The following HELT variants were observed in gnomAD, a reference collection of about 807,000 sequenced individuals.
HELT encodes the protein helt bHLH transcription factor.
A neutral mutation model predicts 19.5 loss-of-function variants in HELT; 9 were observed. That is an observed-to-expected ratio of 0.46 (90% CI 0.28 to 0.80). The LOEUF is 0.80. HELT is among the 30% of genes least tolerant of loss of function. The pLI, the probability that HELT is intolerant of heterozygous loss-of-function variation, is 0.12. For missense variants in HELT, 366 were observed against 326.3 expected (o/e 1.12, Z -0.94); for synonymous variants, 162 against 148.3 (o/e 1.09, Z -0.67).
intron 1 of HELT, chr4:185,019,173 G>T: frequency 4.1e-6 from 6 of 1,476,658 alleles, no homozygotes; most frequent in Non-Finnish European, 5.5e-6. Context: ...CTCCCCAAAG[G>T]CCTGGGTAGG....
Position 185,020,800 on chromosome 4 carries a change from C to A in HELT, c.*28C>A. The A allele has an allele frequency of 2.0e-6, 3 of 1,498,046 alleles. No homozygotes were observed. The highest frequency in any genetic ancestry group is 1.4e-5 in the African/African-American group (1 of 70,064). The allele number at this position is 1,498,046 out of a possible 1,614,324, so 92.8% of individuals were successfully genotyped here. Reference sequence around the variant, plus strand: ...CCCACTCGCCCGCCAGATTTCTCCTCGCTTTGGGCGCTTTTAGGAGAAATG... The same window carrying A: ...CCCACTCGCCCGCCAGATTTCTCCTAGCTTTGGGCGCTTTTAGGAGAAATG... On this transcript the variant is annotated 3_prime_UTR_variant, in exon 4 of 4. Coordinates refer to ENST00000515777, the MANE Select transcript of HELT (RefSeq NM_001300781.2).
chr4:185,020,344 TACCTCACCACGGTGG>T lies in HELT; in HGVS notation c.303_317del (p.Tyr101_Glu106delinsTer). The T allele has an allele frequency of 6.2e-7, 1 of 1,614,200 alleles. No individual in the cohort carries two copies. Among genetic ancestry groups the T allele is most frequent in the Non-Finnish European group, 8.5e-7 (1 of 1,180,034 alleles). On this transcript the variant is annotated stop_gained and inframe_deletion, in exon 4 of 4. Coordinates refer to ENST00000515777, the MANE Select transcript of HELT (RefSeq NM_001300781.2). LOFTEE classifies it high-confidence loss of function. ...CGAGTGCATGAAGAACCTGGTGCAT[TACCTCACCACGGTGG>T]AGCGGATGGAGACCAAGGACACGAA...
At chr4:185,019,198 A>AGC in intron 1 of HELT, 189 bp from the exon 2 acceptor site, 2 of 1,363,444 alleles carry the variant, frequency 1.5e-6, no homozygotes, top group South Asian at 2.9e-5. Context: ...CTGGAAGGGG[A>AGC]GCGCGCCAGC....
At chr4:185,019,077 A>G in intron 1 of HELT, 122 bp downstream of exon 1, 1 of 1,611,348 alleles carries the variant, frequency 6.2e-7, no homozygotes, top group Non-Finnish European at 8.5e-7. Flanking sequence ...AGTGTGGAGG[A>G]ATCTCGAGTG....
chr4:185,020,915 C>A lies in HELT; in HGVS notation c.*143C>A. ...AGAGCGAATGAGTCTTCTGAAGGAT[C>A]TCCCCCTGGTAATAAACGTTTTCTG... On this transcript the variant is annotated 3_prime_UTR_variant, in exon 4 of 4. Transcript: ENST00000515777. The A allele has an allele frequency of 1.0e-6, 1 of 992,228 alleles. No homozygotes were observed. Among genetic ancestry groups the A allele is most frequent in the Non-Finnish European group, 1.4e-6 (1 of 728,334 alleles). 61.5% of individuals were successfully genotyped at this position (992,228 alleles called of 1,614,324 possible).
Position 185,019,816 on chromosome 4 carries a change from G to T in HELT, c.202G>T (p.Ala68Ser), listed in dbSNP as rs538685547. 6.2e-7 allele frequency: 1 copy of T among 1,613,588 alleles called. No individual in the cohort carries two copies. The highest frequency in any genetic ancestry group is 2.2e-5 in the East Asian group (1 of 44,892). Residue 68 changes from alanine to serine, a missense_variant, in exon 3 of 4, where the codon GCT becomes TCT. By Grantham distance (99) the Ala-to-Ser change is moderately conservative. Coordinates refer to ENST00000515777, the MANE Select transcript of HELT (RefSeq NM_001300781.2). ...TVQYLRALHSADFPRGREKAE... is the reference protein window; with the variant it reads ...TVQYLRALHSSDFPRGREKAE... ...TCAGTACCTGAGAGCACTGCACTCCGCTGATTTTCCCCGGGGAAGGGAAAA... is the reference window on the plus strand; with the variant it reads ...TCAGTACCTGAGAGCACTGCACTCCTCTGATTTTCCCCGGGGAAGGGAAAA...
At chr4:185,020,242 G>A (rs1734030744) in intron 3 of HELT, 31 bp from the exon 4 acceptor site, 1 of 1,599,394 alleles carries the variant, frequency 6.3e-7, no homozygotes, top group South Asian at 1.1e-5. Context: ...CTCAGGGTGT[G>A]TCCGTCCTAC....
intron 2 of HELT, 86 bp downstream of exon 2, chr4:185,019,577 G>T (rs866821664): frequency 6.4e-7 from 1 of 1,554,964 alleles, no homozygotes; most frequent in South Asian, 1.2e-5. Context: ...CGCGGACACA[G>T]AGGACCTCAC....
chr4:185,019,244 C>T lies in HELT; in HGVS notation c.28-143C>T, dbSNP rs1206315681. 4.4e-6 allele frequency: 5 copies of T among 1,137,552 alleles called. No individual in the cohort carries two copies. The African/African-American group carries it at 6.3e-5, about 14-fold the overall frequency. The allele number at this position is 1,137,552 out of a possible 1,614,324, so 70.5% of individuals were successfully genotyped here. ...GAAGGCAGAGCTCACCTGGCCCGAG[C>T]GTGGCGGGCCAGGAGTCCCTTCCTA... On this transcript the variant is annotated intron_variant, in intron 1 of 3. Transcript: ENST00000515777.
chr4:185,018,721 T>C lies in HELT; in HGVS notation c.-208T>C. 1 of 430,660 alleles carries C rather than the reference T, an allele frequency of 2.3e-6. No individual in the cohort carries two copies. Among genetic ancestry groups the C allele is most frequent in the South Asian group, 8.2e-5 (1 of 12,224 alleles). 26.7% of individuals were successfully genotyped at this position (430,660 alleles called of 1,614,324 possible). A position where few individuals can be genotyped will look rare whatever the true frequency, so the allele number is the denominator to read the frequency against. On this transcript the variant is annotated 5_prime_UTR_variant, in exon 1 of 4. The change abolishes an upstream ATG in the 5' untranslated region. Transcript: ENST00000515777. ...TAACTTCTTTAAAACTGATCTTGAA[T>C]GCATACATCCTCCAAACGCAGCTCC...
intron 3 of HELT, 135 bp downstream of exon 3, chr4:185,019,978 T>C: frequency 1.2e-6 from 1 of 845,710 alleles, no homozygotes; most frequent in Non-Finnish European, 1.8e-6. Context: ...GCAGGGGTCC[T>C]GCGAAGGCGC....
In HELT at chr4:185,019,827, C is replaced by T. The variant is rs199875932; in HGVS notation, c.213C>T (p.Pro71=). The T allele has an allele frequency of 2.5e-6, 4 of 1,613,512 alleles. No individual in the cohort carries two copies. In the African/African-American group the frequency reaches 5.3e-5, roughly 21 times the overall value. ...YLRALHSADF[P]RGREKAELLA... is the part of the protein sequence containing the mutation. ...GAGCACTGCACTCCGCTGATTTTCCCCGGGGAAGGGAAAAAGGTGGGCACA... is the reference window on the plus strand; with the variant it reads ...GAGCACTGCACTCCGCTGATTTTCCTCGGGGAAGGGAAAAAGGTGGGCACA... The change falls in exon 3 of 4, where the codon CCC becomes CCT. Residue 71 remains proline (P), a synonymous_variant. Coordinates refer to ENST00000515777, the MANE Select transcript of HELT (RefSeq NM_001300781.2).
In HELT at chr4:185,019,442, G is replaced by A. The variant is rs1315040401; in HGVS notation, c.83G>A (p.Arg28His). The A allele has an allele frequency of 1.2e-6, 2 of 1,613,166 alleles. No individual in the cohort carries two copies. The highest frequency in any genetic ancestry group is 1.1e-5 in the South Asian group (1 of 90,896). The change falls in exon 2 of 4, where the codon CGC (arginine) becomes CAC (histidine). Residue 28 changes from arginine to histidine, a missense_variant. By Grantham distance (29) the Arg-to-His change is conservative. Coordinates refer to ENST00000515777, the MANE Select transcript of HELT (RefSeq NM_001300781.2). ...AAGCGGAGGAGGGACAGGATCAACC[G>A]CTGCTTGAACGAGCTGGGCAAGACA... ...IEKRRRDRINRCLNELGKTVP... is the reference protein window; with the variant it reads ...IEKRRRDRINHCLNELGKTVP...
chr4:185,020,160 A>G, intron 3 of HELT, 113 bp from the exon 4 acceptor site: 5 of 1,469,280 alleles, frequency 3.4e-6, no homozygotes, highest in Non-Finnish European at 4.6e-6. Context: ...CGGGCCTCAA[A>G]TGGGAACTTT....
In HELT at chr4:185,018,573, C is replaced by T. The variant is rs1165903470; in HGVS notation, c.-356C>T. ...CAGTTTACCGCCTCCTTTTCCCGCC[C>T]GAGCTGTTGCCATGCAAATGTTATT... is the stretch of plus-strand genomic sequence containing the variant. On this transcript the variant is annotated 5_prime_UTR_variant, in exon 1 of 4. Coordinates refer to ENST00000515777, the MANE Select transcript of HELT (RefSeq NM_001300781.2). Among the ~76,000 whole-genome samples, 1 of 152,172 alleles carries T rather than the reference C, an allele frequency of 6.6e-6. No individual in the cohort carries two copies. The highest frequency in any genetic ancestry group is 1.9e-4 in the East Asian group (1 of 5,192).
At position 185,020,921 on chromosome 4, in the gene HELT, CT is replaced by C. The variant is rs1173977985; in HGVS notation, c.*150del. On this transcript the variant is annotated 3_prime_UTR_variant, in exon 4 of 4. Coordinates refer to ENST00000515777, the MANE Select transcript of HELT (RefSeq NM_001300781.2). ...AATGAGTCTTCTGAAGGATCTCCCC[CT>C]GGTAATAAACGTTTTCTGATAAAGA... 3.4e-5 allele frequency: 32 copies of C among 953,400 alleles called. No individual in the cohort carries two copies. The African/African-American group carries it at 4.0e-4, about 12-fold the overall frequency. 59.1% of individuals were successfully genotyped at this position (953,400 alleles called of 1,614,324 possible).
rs763591870 is a variant in HELT, at chr4:185,020,527, G to C, written c.484G>C (p.Gly162Arg). ...GCCCGAATTCGCTGGTCACAGCCCG[G>C]GCGAGGCCGCTGTGTTCCCGCAGGG... ...AGPEFAGHSP[G>R]EAAVFPQGSG... Residue 162 changes from glycine to arginine, a missense_variant, in exon 4 of 4, where the codon GGC (glycine) becomes CGC (arginine). Coordinates refer to ENST00000515777, the MANE Select transcript of HELT (RefSeq NM_001300781.2). The C allele has an allele frequency of 4.3e-6, 7 of 1,609,574 alleles. No homozygotes were observed. In the South Asian group the frequency reaches 6.6e-5, roughly 15 times the overall value.
intron 1 of HELT, 104 bp from the exon 2 acceptor site, chr4:185,019,283 C>T: frequency 8.7e-7 from 1 of 1,143,708 alleles, no homozygotes. Flanking sequence ...CGAATCTGAG[C>T]AGTGTGCGCG....
chr4:185,020,694 G>C lies in HELT; in HGVS notation c.651G>C (p.Arg217=). ...TGACACCGGTGCAGGGCCTGGACCG[G>C]CATTACCTCAACCTGATCGGCCACG... ...PFLTPVQGLD[R]HYLNLIGHAH... Residue 217 remains arginine, a synonymous_variant, in exon 4 of 4, where the codon CGG becomes CGC. Transcript: ENST00000515777. 6.2e-7 allele frequency: 1 copy of C among 1,603,508 alleles called. No homozygotes were observed.
Sources: gnomAD v4.1 joint callset for allele counts (sites outside exome capture counted in the v4.1 genomes callset) on GRCh38, gnomAD v4.1.1 for gene constraint, MANE v1.5 for transcripts, NCBI Gene and HGNC (gene_info 2026-07-23, HGNC 2026-07-21) for gene names.